Variants in BOD1L1 observed in about 807,000 individuals in gnomAD.
The protein encoded by BOD1L1 is biorientation of chromosomes in cell division protein 1-like 1.
BOD1L1 carries 86 observed loss-of-function variants against 240.7 expected under a neutral mutation model. The ratio of observed to expected loss-of-function variants is 0.36; its 90% confidence interval spans 0.30 to 0.43. The LOEUF (loss-of-function observed/expected upper bound fraction) is 0.43, where lower values mean the gene tolerates loss of function less well. BOD1L1 is among the 20% of genes least tolerant of loss of function. The pLI is 1.00. For synonymous variants in BOD1L1, 1,268 were observed against 1,272.3 expected (o/e 1.00, Z 0.07); for missense variants, 3,554 against 3,643.5 (o/e 0.98, Z 0.63).
rs750958802 is a variant in BOD1L1 at position 13,614,632 on chromosome 4, A to G, written c.738T>C (p.Ser246=). The change falls in exon 4 of 26, where the codon AGT becomes AGC. Residue 246 remains serine (S), a synonymous_variant. Transcript: ENST00000040738. ...KLPSQPTTDT[S]TDKERTSEDM... is the part of the protein sequence containing the mutation. Reference sequence around the variant, plus strand: ...CCTCTGAAGTTCTTTCTTTGTCAGTACTAGTATCAGTGGTTGGCTGAGATG... The same window carrying G: ...CCTCTGAAGTTCTTTCTTTGTCAGTGCTAGTATCAGTGGTTGGCTGAGATG... 1.2e-6 allele frequency: 2 copies of G among 1,613,854 alleles called. No individual in the cohort carries two copies. The highest frequency in any genetic ancestry group is 1.3e-5 in the African/African-American group (1 of 75,020).
Position 13,614,661 on chromosome 4 carries a change from GT to G in BOD1L1, c.708del (p.Lys236AsnfsTer65). Reference sequence around the variant, plus strand: ...GTATCAGTGGTTGGCTGAGATGGAAGTTTTTTTGACGCTCTCTCACTGGTCT... The same window carrying G: ...GTATCAGTGGTTGGCTGAGATGGAAGTTTTTTGACGCTCTCTCACTGGTCT... ...NAKTSERASK[K>X]LPSQPTTDTS... is the part of the protein sequence containing the mutation. On this transcript the variant is annotated frameshift_variant, in exon 4 of 26. Transcript: ENST00000040738. LOFTEE classifies it high-confidence loss of function. 1 of 1,613,808 alleles carries G rather than the reference GT, an allele frequency of 6.2e-7. No homozygotes were observed.
rs762293690 is a variant in BOD1L1, at chr4:13,604,639, C to A, written c.2261G>T (p.Gly754Val). 2.5e-6 allele frequency: 4 copies of A among 1,579,238 alleles called. No homozygotes were observed. Among genetic ancestry groups the A allele is most frequent in the South Asian group, 2.4e-5 (2 of 83,246 alleles). ...AGAAGAGTGAAGCTCAGTCTCATCA[C>A]CTGTTTTATGCATACAATCACCTTT... is the stretch of plus-strand genomic sequence containing the variant. ...KYKGDCMHKT[G>V]DETELHSSEK... Residue 754 changes from glycine (G) to valine (V), a missense_variant, in exon 10 of 26, where the codon GGT becomes GTT. By Grantham distance (109) the Gly-to-Val change is moderately radical. Transcript: ENST00000040738.
intron 1 of BOD1L1, among the ~76,000 whole-genome samples, chr4:13,623,182 A>AT (rs543769618): frequency 2.5e-4 from 38 of 149,264 alleles, no homozygotes; most frequent in Non-Finnish European, 3.6e-4. Flanking sequence ...CTTGTTGTCT[A>AT]TTTTTTTTTT....
At chr4:13,575,634 T>G (rs2108880303) in intron 25 of BOD1L1, among the ~76,000 whole-genome samples, 1 of 152,314 alleles carries the variant, frequency 6.6e-6, no homozygotes, top group South Asian at 2.1e-4. Flanking sequence ...TCCTCCCATC[T>G]TGGTCTCCCA....
In BOD1L1 at chr4:13,601,978, T is replaced by C. The variant is rs755146653; in HGVS notation, c.4922A>G (p.Asn1641Ser). 1.2e-6 allele frequency: 2 copies of C among 1,614,032 alleles called. No homozygotes were observed. The highest frequency in any genetic ancestry group is 4.5e-5 in the East Asian group (2 of 44,884). The part of the protein sequence containing the change: ...LAVHAVKIEA[N>S]VNSVVTEEKD... ...TTCCTCTGTCACAACGCTATTTACATTGGCTTCGATTTTAACTGCATGCAC... is the reference window on the plus strand; with the variant it reads ...TTCCTCTGTCACAACGCTATTTACACTGGCTTCGATTTTAACTGCATGCAC... The change falls in exon 10 of 26, where the codon AAT (asparagine) becomes AGT (serine). Residue 1641 changes from asparagine to serine, a missense_variant. This residue lies in a region of BOD1L1 where 3,393 missense variants were observed against 3,427.1 expected (regional missense o/e 0.99). Coordinates refer to ENST00000040738, the MANE Select transcript of BOD1L1 (RefSeq NM_148894.3).
At chr4:13,580,973 A>T in intron 21 of BOD1L1, 47 bp downstream of exon 21, 1 of 1,510,442 alleles carries the variant, frequency 6.6e-7, no homozygotes. Flanking sequence ...ACCGTTTTTC[A>T]GGTTAAGAGC....
At chr4:13,591,037 A>C (rs1714165536) in intron 13 of BOD1L1, among the ~76,000 whole-genome samples, 1 of 152,020 alleles carries the variant, frequency 6.6e-6, no homozygotes, top group Non-Finnish European at 1.5e-5. Flanking sequence ...CCCCATTTAA[A>C]GTCTTTTTAA....
chr4:13,620,659 C>T (rs771561375), intron 1 of BOD1L1, among the ~76,000 whole-genome samples: 2 of 152,132 alleles, frequency 1.3e-5, no homozygotes, highest in South Asian at 2.1e-4. Flanking sequence ...AATGGGAGCC[C>T]ACTGCACATA....
rs192171501 is a variant in BOD1L1 at position 13,599,784 on chromosome 4, C to A, written c.7116G>T (p.Lys2372Asn). ...DLSATEVSKH[K>N]VPMPSLIAEN... ...CAGCAATTAGGCTGGGCATGGGGAC[C>A]TTGTGCTTGCTCACTTCTGTGGCTG... Residue 2372 changes from lysine (K) to asparagine (N), a missense_variant, in exon 10 of 26, where the codon AAG becomes AAT. Lys to Asn is a moderately conservative substitution (Grantham distance 94). Coordinates refer to ENST00000040738, the MANE Select transcript of BOD1L1 (RefSeq NM_148894.3). 1 of 1,614,032 alleles carries A rather than the reference C, an allele frequency of 6.2e-7. No individual in the cohort carries two copies. The highest frequency in any genetic ancestry group is 2.2e-5 in the East Asian group (1 of 44,868).
At chr4:13,605,304 A>G (rs1715603478) in intron 9 of BOD1L1, among the ~76,000 whole-genome samples, 1 of 152,210 alleles carries the variant, frequency 6.6e-6, no homozygotes, top group African/African-American at 2.4e-5. Flanking sequence ...AAGAACTAAC[A>G]GGAGTTTGCA....
rs977625494 is a variant in BOD1L1, at chr4:13,572,628, A to T, written c.9039-2500T>A. On this transcript the variant is annotated intron_variant, in intron 25 of 25. Transcript: ENST00000040738. ...GTGAGACAAAATCTTAAAGGAAATTAGGAAGAAAGCATTATTGTACCAAAA... is the reference window on the plus strand; with the variant it reads ...GTGAGACAAAATCTTAAAGGAAATTTGGAAGAAAGCATTATTGTACCAAAA... The T allele has an allele frequency of 4.2e-6, 5 of 1,188,596 alleles. No individual in the cohort carries two copies. In the East Asian group the frequency reaches 2.9e-4, roughly 68 times the overall value. The allele number at this position is 1,188,596 out of a possible 1,614,324, so 73.6% of individuals were successfully genotyped here. A position where few individuals can be genotyped will look rare whatever the true frequency, so the allele number is the denominator to read the frequency against.
At position 13,627,340 on chromosome 4, in the gene BOD1L1, C is replaced by T. The variant is rs147774595; in HGVS notation, c.243+5G>A. The stretch of plus-strand genomic sequence containing the variant: ...GCAGACCCCCAAACCCGGCGCGCTC[C>T]TAACCTTGGTGTCCACGTCGGCCAG... On this transcript the variant is annotated splice_donor_5th_base_variant and intron_variant, in intron 1 of 25. Coordinates refer to ENST00000040738, the MANE Select transcript of BOD1L1 (RefSeq NM_148894.3). 3.3e-3 allele frequency: 4,331 copies of T among 1,314,672 alleles called. 13 individuals are homozygous for T. Among genetic ancestry groups the T allele is most frequent in the Non-Finnish European group, 4.1e-3 (4,143 of 1,021,120 alleles). 81.4% of individuals were successfully genotyped at this position (1,314,672 alleles called of 1,614,324 possible).
Position 13,599,749 on chromosome 4 carries a change from C to T in BOD1L1, c.7151G>A (p.Cys2384Tyr). ...PMPSLIAENN[C>Y]RCPGPVRGGK... ...TCCCCTGACTGGCCCAGGACACCGA[C>T]AGTTATTCTCAGCAATTAGGCTGGG... The change falls in exon 10 of 26, where the codon TGT (cysteine) becomes TAT (tyrosine). Residue 2384 changes from cysteine (C) to tyrosine (Y), a missense_variant. This residue lies in a region of BOD1L1 where 3,393 missense variants were observed against 3,427.1 expected (regional missense o/e 0.99). Transcript: ENST00000040738. The T allele has an allele frequency of 1.2e-6, 2 of 1,613,994 alleles. No homozygotes were observed. Among genetic ancestry groups the T allele is most frequent in the Admixed American group, 3.3e-5 (2 of 60,028 alleles).
chr4:13,587,067 T>C (rs1347046362), intron 16 of BOD1L1, among the ~76,000 whole-genome samples: 1 of 152,238 alleles, frequency 6.6e-6, no homozygotes, highest in Non-Finnish European at 1.5e-5. Context: ...TCAATAAGTA[T>C]TGAACTTCTC....
chr4:13,602,042 C>T lies in BOD1L1; in HGVS notation c.4858G>A (p.Val1620Met), dbSNP rs1321731338. 4 of 1,614,016 alleles carry T rather than the reference C, an allele frequency of 2.5e-6. No homozygotes were observed. Among genetic ancestry groups the T allele is most frequent in the South Asian group, 1.1e-5 (1 of 91,090 alleles). ...GCTGCTCTGTCCTCAGATTCAGCCA[C>T]AGCACACTCCCCACTTTCCCCTTCC... ...TKEGESGECA[V>M]AESEDRAADL... The change falls in exon 10 of 26, where the codon GTG becomes ATG. Residue 1620 changes from valine (V) to methionine (M), a missense_variant. This residue lies in a region of BOD1L1 where 3,393 missense variants were observed against 3,427.1 expected (regional missense o/e 0.99). Coordinates refer to ENST00000040738, the MANE Select transcript of BOD1L1 (RefSeq NM_148894.3).
At chr4:13,610,148 A>G (rs1398849921) in intron 6 of BOD1L1, among the ~76,000 whole-genome samples, 2 of 152,164 alleles carry the variant, frequency 1.3e-5, no homozygotes, top group Non-Finnish European at 2.9e-5. Flanking sequence ...TTCATATTTT[A>G]ATGTTTCTGA....
chr4:13,627,425 C>A lies in BOD1L1; in HGVS notation c.163G>T (p.Ala55Ser), dbSNP rs1490856787. The change falls in exon 1 of 26, where the codon GCC becomes TCC. Residue 55 changes from alanine to serine, a missense_variant. Transcript: ENST00000040738. ...CTCTTGAGGTGGTTCACGATCATGG[C>A]CACGAGCTGCGGGTCCCCGGCGCCC... ...GAGAGDPQLV[A>S]MIVNHLKSQG... 1 of 1,361,210 alleles carries A rather than the reference C, an allele frequency of 7.3e-7. No homozygotes were observed. Among genetic ancestry groups the A allele is most frequent in the Non-Finnish European group, 9.6e-7 (1 of 1,042,720 alleles). 84.3% of individuals were successfully genotyped at this position (1,361,210 alleles called of 1,614,324 possible). A position where few individuals can be genotyped will look rare whatever the true frequency, so the allele number is the denominator to read the frequency against.
At chr4:13,579,883 G>A in intron 22 of BOD1L1, 45 bp downstream of exon 22, 1 of 1,484,434 alleles carries the variant, frequency 6.7e-7, no homozygotes, top group Non-Finnish European at 9.1e-7. Context: ...AGCCTCTCCT[G>A]CCCCTCCCTC....
Position 13,609,337 on chromosome 4 carries a change from G to T in BOD1L1, c.1561C>A (p.Gln521Lys). ...NREKLEEKRK[Q>K]KAEKTKSSKT... is the part of the protein sequence containing the mutation. ...GAAGACTTTGTCTTTTCTGCTTTCT[G>T]TTTTCGTTTTTCTTCAAGTTTTTCT... Residue 521 changes from glutamine to lysine, a missense_variant, in exon 7 of 26, where the codon CAG becomes AAG. Gln to Lys is a moderately conservative substitution (Grantham distance 53). Around this residue, in one of 2 missense-constraint regions of BOD1L1, gnomAD observed 3,393 missense variants for 3,427.1 expected, o/e 0.99. Coordinates refer to ENST00000040738, the MANE Select transcript of BOD1L1 (RefSeq NM_148894.3). 1 of 1,557,054 alleles carries T rather than the reference G, an allele frequency of 6.4e-7. No homozygotes were observed. The highest frequency in any genetic ancestry group is 8.7e-7 in the Non-Finnish European group (1 of 1,154,144).
Sources: gnomAD v4.1 joint callset for allele counts (sites outside exome capture counted in the v4.1 genomes callset) on GRCh38, gnomAD v4.1.1 for gene constraint, gnomAD v4.1.1 regional missense constraint, MANE v1.5 for transcripts, NCBI Gene and HGNC (gene_info 2026-07-23, HGNC 2026-07-21) for gene names.